MRTFB: variants seen among roughly 807,000 people sequenced by gnomAD.
MRTFB encodes the protein myocardin-related transcription factor B.
A neutral mutation model predicts 104.2 loss-of-function variants in MRTFB; 29 were observed. The observed-to-expected ratio is 0.28, with a 90% confidence interval of 0.21 to 0.38. The LOEUF is 0.38. MRTFB is among the 10% of genes least tolerant of loss of function. MRTFB has a pLI of 1.00. For synonymous variants in MRTFB, 535 were observed against 519.5 expected, an observed-to-expected ratio of 1.03 and a Z score of -0.41; for missense variants, 1,270 against 1,341.6, an observed-to-expected ratio of 0.95 and a Z score of 0.83.
At chr16:14,058,061 C>T in the MRTFB span, among the ~76,000 whole-genome samples, 2 of 152,108 alleles carry the variant, frequency 1.3e-5, no homozygotes, top group Admixed American at 6.5e-5. Context: ...GGAGAGCCTA[C>T]GGAGAGCCCG....
the MRTFB span, among the ~76,000 whole-genome samples, chr16:14,007,068 G>A: frequency 3.3e-4 from 50 of 152,204 alleles, no homozygotes; most frequent in East Asian, 3.5e-3. Context: ...GATGTAATTC[G>A]TACACCGTAC....
the MRTFB span, among the ~76,000 whole-genome samples, chr16:14,001,378 C>T: frequency 6.6e-6 from 1 of 152,180 alleles, no homozygotes; most frequent in East Asian, 1.9e-4. Context: ...TGGCATCTCC[C>T]CTTCTTGGGT....
the MRTFB span, among the ~76,000 whole-genome samples, chr16:14,029,207 T>C: frequency 6.6e-6 from 1 of 151,384 alleles, no homozygotes; most frequent in African/African-American, 2.4e-5. Context: ...AGGCTCAGGA[T>C]CCCTCCTGGG....
At chr16:14,159,826 A>G (rs2038962249) in intron 3 of MRTFB, among the ~76,000 whole-genome samples, 1 of 144,634 alleles carries the variant, frequency 6.9e-6, no homozygotes, top group Non-Finnish European at 1.5e-5. Context: ...GCTACTCGGG[A>G]GGCTGAGGCA....
intron 3 of MRTFB, among the ~76,000 whole-genome samples, chr16:14,179,750 A>G (rs1365649172): frequency 1.3e-5 from 2 of 152,202 alleles, no homozygotes; most frequent in Non-Finnish European, 2.9e-5. Context: ...TAGTCTGGGG[A>G]GTGGTCAGAG....
the MRTFB span, among the ~76,000 whole-genome samples, chr16:14,036,294 A>T: frequency 1.6e-4 from 9 of 54,576 alleles, no homozygotes; most frequent in Non-Finnish European, 3.1e-4. Flanking sequence ...TTTTATATAT[A>T]TTTATATATA....
At chr16:14,158,990 A>G (rs1347462789) in intron 3 of MRTFB, among the ~76,000 whole-genome samples, 1 of 150,620 alleles carries the variant, frequency 6.6e-6, no homozygotes, top group East Asian at 2.0e-4. Context: ...AAAAAAAAAA[A>G]AAAACTTAGG....
Position 14,247,510 on chromosome 16 carries a change from G to A in MRTFB, c.2247+3G>A, listed in dbSNP as rs2043074365. Reference sequence around the variant, plus strand: ...CTGTAGGCAGCCTCAAACTCCAGGTGTGAAGTGTGTCTTCTAACTACTTTG... The same window carrying A: ...CTGTAGGCAGCCTCAAACTCCAGGTATGAAGTGTGTCTTCTAACTACTTTG... On this transcript the variant is annotated splice_donor_region_variant and intron_variant, in intron 12 of 16. Coordinates refer to ENST00000571589, the MANE Select transcript of MRTFB (RefSeq NM_001308142.2). 2 of 1,541,948 alleles carry A rather than the reference G, an allele frequency of 1.3e-6. No individual in the cohort carries two copies. The highest frequency in any genetic ancestry group is 2.4e-5 in the East Asian group (1 of 41,500).
chr16:14,224,693 G>A (rs1327494198), intron 8 of MRTFB, among the ~76,000 whole-genome samples: 3 of 152,264 alleles, frequency 2.0e-5, no homozygotes, highest in South Asian at 2.1e-4. Flanking sequence ...ATTTAAAATG[G>A]TGAAAGAAGA....
chr16:14,200,204 A>G (rs1248276827), intron 3 of MRTFB: 1 of 1,070,502 alleles, frequency 9.3e-7, no homozygotes, highest in African/African-American at 1.6e-5. Flanking sequence ...CATTATTTGT[A>G]ATAGCAAAAA....
chr16:14,162,108 A>C (rs960248733), intron 3 of MRTFB, among the ~76,000 whole-genome samples: 1 of 147,414 alleles, frequency 6.8e-6, no homozygotes, highest in African/African-American at 2.6e-5. Flanking sequence ...TTGAGCCCAG[A>C]AGTTCAAGAC....
At chr16:14,191,439 A>G (rs2040179214) in intron 3 of MRTFB, among the ~76,000 whole-genome samples, 2 of 152,182 alleles carry the variant, frequency 1.3e-5, no homozygotes, top group African/African-American at 4.8e-5. Context: ...TCTCTCCTGT[A>G]TATTCCCAGT....
the MRTFB span, among the ~76,000 whole-genome samples, chr16:14,057,280 T>C: frequency 6.6e-6 from 1 of 152,140 alleles, no homozygotes; most frequent in Non-Finnish European, 1.5e-5. Context: ...AAAAAAATTG[T>C]GTGTGTGCCT....
At chr16:14,130,651 A>T (rs2142421101) in intron 2 of MRTFB, among the ~76,000 whole-genome samples, 1 of 152,318 alleles carries the variant, frequency 6.6e-6, no homozygotes, top group African/African-American at 2.4e-5. Flanking sequence ...AGCTACTTGT[A>T]GGTGTACATT....
chr16:14,017,372 A>G, the MRTFB span, among the ~76,000 whole-genome samples: 1 of 151,660 alleles, frequency 6.6e-6, no homozygotes, highest in Non-Finnish European at 1.5e-5. Flanking sequence ...AGTCTTCTTA[A>G]CAGCAGAAAG....
chr16:14,066,425 C>T (rs1283529116), upstream of MRTFB, among the ~76,000 whole-genome samples: 2 of 151,862 alleles, frequency 1.3e-5, no homozygotes, highest in Non-Finnish European at 2.9e-5. Flanking sequence ...AGGTGCATGC[C>T]ACCACACCTG....
chr16:14,218,295 A>T (rs1359835261), intron 7 of MRTFB, among the ~76,000 whole-genome samples: 1 of 151,880 alleles, frequency 6.6e-6, no homozygotes, highest in Non-Finnish European at 1.5e-5. Flanking sequence ...TCCTGACCTC[A>T]TGATCCACCC....
At chr16:14,032,979 G>T in the MRTFB span, among the ~76,000 whole-genome samples, 1 of 151,926 alleles carries the variant, frequency 6.6e-6, no homozygotes, top group South Asian at 2.1e-4. Flanking sequence ...GCTCTTCTCT[G>T]TGGGCATAGA....
At chr16:14,103,800 T>C (rs2035827170) in intron 2 of MRTFB, among the ~76,000 whole-genome samples, 1 of 152,226 alleles carries the variant, frequency 6.6e-6, no homozygotes, top group African/African-American at 2.4e-5. Flanking sequence ...GGTGTTGAAA[T>C]AGAAATTATT....
Sources: gnomAD v4.1 joint callset for allele counts (sites outside exome capture counted in the v4.1 genomes callset) on GRCh38, gnomAD v4.1.1 for gene constraint, MANE v1.5 for transcripts, NCBI Gene and HGNC (gene_info 2026-07-23, HGNC 2026-07-21) for gene names.